SH3RF1: variants seen among roughly 807,000 people sequenced by gnomAD.
SH3RF1 encodes the protein SH3 domain containing ring finger 1.
A neutral mutation model predicts 74.0 loss-of-function variants in SH3RF1; 32 were observed. That is an observed-to-expected ratio of 0.43 (90% confidence interval 0.33 to 0.58). The LOEUF is 0.58. SH3RF1 is among the 20% of genes least tolerant of loss of function. SH3RF1 has a pLI of 0.05. For synonymous variants in SH3RF1, 396 were observed against 439.6 expected (o/e 0.90, Z 1.24); for missense variants, 954 against 1,130.9 (o/e 0.84, Z 2.24).
At chr4:169,102,915 C>T (rs200064173) in intron 11 of SH3RF1, among the ~76,000 whole-genome samples, 66 of 66,850 alleles carry the variant, frequency 9.9e-4, no homozygotes, top group Admixed American at 1.5e-3. Context: ...CAGTCACATT[C>T]TTTTTTTTTT....
intron 2 of SH3RF1, among the ~76,000 whole-genome samples, chr4:169,238,966 C>G (rs1056095839): frequency 2.2e-3 from 8 of 3,710 alleles, no homozygotes; most frequent in South Asian, 0.33. Context: ...TAATTTCCGC[C>G]CCCCCCCACC....
At chr4:169,124,300 A>G (rs1434670660) in intron 6 of SH3RF1, among the ~76,000 whole-genome samples, 1 of 152,218 alleles carries the variant, frequency 6.6e-6, no homozygotes, top group African/African-American at 2.4e-5. Flanking sequence ...TACTAATTTG[A>G]CCTAAAAAGA....
chr4:169,128,774 C>T (rs1039486589), intron 6 of SH3RF1, among the ~76,000 whole-genome samples: 1 of 152,174 alleles, frequency 6.6e-6, no homozygotes, highest in Non-Finnish European at 1.5e-5. Flanking sequence ...GAAATAAAAT[C>T]TTTACAACAT....
At chr4:169,152,550 C>T (rs1733992091) in intron 4 of SH3RF1, among the ~76,000 whole-genome samples, 1 of 152,114 alleles carries the variant, frequency 6.6e-6, no homozygotes, top group South Asian at 2.1e-4. Context: ...CCAGCCTGAC[C>T]AACATGGTGA....
chr4:169,129,903 A>G (rs1426401075), intron 6 of SH3RF1, 143 bp downstream of exon 6: 1 of 682,616 alleles, frequency 1.5e-6, no homozygotes, highest in Non-Finnish European at 2.4e-6. Flanking sequence ...TGTTAAGATT[A>G]ACAGAGATAA....
intron 2 of SH3RF1, among the ~76,000 whole-genome samples, chr4:169,208,405 A>T (rs1730296587): frequency 6.6e-6 from 1 of 152,176 alleles, no homozygotes; most frequent in Non-Finnish European, 1.5e-5. Context: ...GGAAGCAGCA[A>T]TGGGTAGGGG....
At chr4:169,165,898 G>A (rs1734234342) in intron 2 of SH3RF1, among the ~76,000 whole-genome samples, 1 of 152,112 alleles carries the variant, frequency 6.6e-6, no homozygotes, top group Non-Finnish European at 1.5e-5. Flanking sequence ...ACAATTAGAA[G>A]CCCATGGGGA....
At chr4:169,218,322 G>T (rs1432249159) in intron 2 of SH3RF1, among the ~76,000 whole-genome samples, 1 of 53,542 alleles carries the variant, frequency 1.9e-5, no homozygotes, top group Non-Finnish European at 5.7e-5. Context: ...ATAGAATATA[G>T]AATACAGATT....
intron 6 of SH3RF1, among the ~76,000 whole-genome samples, chr4:169,128,186 T>A (rs1172951604): frequency 1.3e-5 from 2 of 152,292 alleles, no homozygotes; most frequent in Non-Finnish European, 2.9e-5. Flanking sequence ...TATCAACTCA[T>A]TGTGTATGTG....
At chr4:169,119,941 C>T (rs146684405) in intron 8 of SH3RF1, among the ~76,000 whole-genome samples, 230 of 152,260 alleles carry the variant, frequency 1.5e-3, no homozygotes, top group Non-Finnish European at 2.7e-3. Context: ...TCCTCAGTGA[C>T]CAAAAGCTGA....
intron 2 of SH3RF1, among the ~76,000 whole-genome samples, chr4:169,222,482 G>A (rs901604465): frequency 1.3e-5 from 2 of 148,192 alleles, no homozygotes; most frequent in South Asian, 4.2e-4. Context: ...ACATATATAT[G>A]TATTTTATAT....
At chr4:169,110,911 C>G (rs1245089099) in intron 10 of SH3RF1, among the ~76,000 whole-genome samples, 1 of 152,170 alleles carries the variant, frequency 6.6e-6, no homozygotes, top group East Asian at 1.9e-4. Flanking sequence ...AATGGAAGCA[C>G]TTGGGTCGAT....
At chr4:169,197,459 C>G (rs1734832050) in intron 2 of SH3RF1, among the ~76,000 whole-genome samples, 1 of 151,922 alleles carries the variant, frequency 6.6e-6, no homozygotes, top group Non-Finnish European at 1.5e-5. Context: ...AACCCCGTCT[C>G]TACTAAAAAC....
intron 8 of SH3RF1, among the ~76,000 whole-genome samples, chr4:169,118,703 C>G (rs976096228): frequency 6.6e-6 from 1 of 152,096 alleles, no homozygotes; most frequent in Non-Finnish European, 1.5e-5. Flanking sequence ...GTGATCCACC[C>G]GCCTCAGCCT....
intron 4 of SH3RF1, among the ~76,000 whole-genome samples, chr4:169,150,332 G>C: frequency 6.6e-6 from 1 of 152,168 alleles, no homozygotes. Context: ...GAAAGAATCA[G>C]TGAGTCTTTT....
chr4:169,151,058 A>G (rs992786872), intron 4 of SH3RF1, among the ~76,000 whole-genome samples: 10 of 152,242 alleles, frequency 6.6e-5, no homozygotes, highest in Non-Finnish European at 1.0e-4. Context: ...TGAAAAATGT[A>G]GAAGTTGGCA....
At chr4:169,102,494 T>G (rs1237240309) in intron 11 of SH3RF1, among the ~76,000 whole-genome samples, 1 of 152,064 alleles carries the variant, frequency 6.6e-6, no homozygotes, top group Non-Finnish European at 1.5e-5. Flanking sequence ...GATGACTTGC[T>G]GTGTCTCCCT....
At chr4:169,260,805 C>T (rs1393027442) in intron 2 of SH3RF1, among the ~76,000 whole-genome samples, 3 of 152,192 alleles carry the variant, frequency 2.0e-5, no homozygotes, top group Admixed American at 6.5e-5. Flanking sequence ...ACTTTTCACA[C>T]ACAGGAAACC....
intron 2 of SH3RF1, among the ~76,000 whole-genome samples, chr4:169,241,376 C>T (rs975106909): frequency 2.0e-5 from 3 of 152,216 alleles, no homozygotes; most frequent in Admixed American, 1.3e-4. Context: ...CTTCAGCAAA[C>T]TCACCCTTCA....
Sources: gnomAD v4.1 joint callset for allele counts (sites outside exome capture counted in the v4.1 genomes callset) on GRCh38, gnomAD v4.1.1 for gene constraint, MANE v1.5 for transcripts, NCBI Gene and HGNC (gene_info 2026-07-23, HGNC 2026-07-21) for gene names.